The following SPATA1 variants were observed in gnomAD, a reference collection of about 807,000 sequenced individuals.
The protein encoded by SPATA1 is spermatogenesis-associated protein 1.
SPATA1 carries 57 observed loss-of-function variants against 59.6 expected under a neutral mutation model. The ratio of observed to expected loss-of-function variants is 0.96; its 90% CI spans 0.77 to 1.19. The LOEUF (loss-of-function observed/expected upper bound fraction) is 1.19, where lower values mean the gene tolerates loss of function less well. SPATA1 is among the 50% of genes most tolerant of loss of function. The probability of loss-of-function intolerance (pLI) is 0.00; values close to 1 mark genes in which losing one functional copy is unlikely to be tolerated. For synonymous variants in SPATA1, 147 were observed against 163.9 expected, an observed-to-expected ratio of 0.90 and a Z score of 0.79; for missense variants, 448 against 480.7, an observed-to-expected ratio of 0.93 and a Z score of 0.64.
exon 11 of SPATA1, chr1:84,548,960 C>G (rs377268039): frequency 1.5e-5 from 24 of 1,573,204 alleles, no homozygotes; most frequent in African/African-American, 2.8e-5. Context: ...ATCACAGACT[C>G]CAAGGTATTA....
chr1:84,535,589 C>G (rs943085461), intron 8 of SPATA1, among the ~76,000 whole-genome samples: 3 of 151,950 alleles, frequency 2.0e-5, no homozygotes, highest in Admixed American at 2.0e-4. Flanking sequence ...ATTTTTGAAG[C>G]TTCTATAGAA....
intron 12 of SPATA1, chr1:84,552,201 C>T (rs1292018374): frequency 1.3e-5 from 2 of 152,098 alleles, no homozygotes; most frequent in Non-Finnish European, 2.9e-5. Flanking sequence ...AAAAAAAACC[C>T]AGCCTGAGTC....
At chr1:84,565,715 G>T in intron 4 of SPATA1, 146 bp from the exon 14 acceptor site, 1 of 456,476 alleles carries the variant, frequency 2.2e-6, no homozygotes, top group Non-Finnish European at 3.3e-6. Flanking sequence ...ATTTTTACAT[G>T]TTTGAAGCAA....
chr1:84,539,860 G>C (rs1466429890), intron 8 of SPATA1, among the ~76,000 whole-genome samples: 1 of 152,020 alleles, frequency 6.6e-6, no homozygotes, highest in Non-Finnish European at 1.5e-5. Context: ...TTACTGTGTT[G>C]CTATTTATGC....
chr1:84,519,718 T>G (rs959488025), intron 2 of SPATA1, among the ~76,000 whole-genome samples: 2 of 152,128 alleles, frequency 1.3e-5, no homozygotes, highest in Admixed American at 6.6e-5. Context: ...TTTTCTTGAT[T>G]TATAAAAACA....
At chr1:84,559,642 C>T (rs896184543) in intron 4 of SPATA1, among the ~76,000 whole-genome samples, 6 of 151,644 alleles carry the variant, frequency 4.0e-5, no homozygotes, top group African/African-American at 7.3e-5. Flanking sequence ...GACTTAATAA[C>T]GATATTGAAA....
chr1:84,517,203 A>G (rs1250663542), intron 2 of SPATA1, among the ~76,000 whole-genome samples: 6 of 151,974 alleles, frequency 3.9e-5, no homozygotes, highest in South Asian at 4.1e-4. Flanking sequence ...TAGCATACAT[A>G]TTATGTTTGT....
intron 8 of SPATA1, among the ~76,000 whole-genome samples, chr1:84,535,202 T>G (rs995526263): frequency 1.2e-4 from 19 of 152,182 alleles, no homozygotes; most frequent in African/African-American, 4.1e-4. Flanking sequence ...ATGATTTTTT[T>G]TAATCCTTAC....
At chr1:84,554,861 A>G (rs566173961), downstream of SPATA1, 23 of 695,288 alleles carry the variant, frequency 3.3e-5, no homozygotes, top group South Asian at 4.9e-4. Context: ...TTCAAATTCA[A>G]ACAATCAAAA....
chr1:84,536,537 G>A (rs1475295168), intron 8 of SPATA1, among the ~76,000 whole-genome samples: 2 of 152,136 alleles, frequency 1.3e-5, no homozygotes, highest in Non-Finnish European at 2.9e-5. Context: ...TCCGCCCCCC[G>A]GGTGCATGCC....
chr1:84,532,261 C>G (rs1013814366), intron 6 of SPATA1, among the ~76,000 whole-genome samples: 4 of 152,166 alleles, frequency 2.6e-5, no homozygotes, highest in African/African-American at 9.7e-5. Flanking sequence ...TTTGGGAGGC[C>G]AAGGTGGGCA....
At chr1:84,531,741 T>C (rs1467033021) in intron 6 of SPATA1, among the ~76,000 whole-genome samples, 1 of 151,706 alleles carries the variant, frequency 6.6e-6, no homozygotes, top group Non-Finnish European at 1.5e-5. Flanking sequence ...GCCTGGCTAA[T>C]TTATTTTATT....
At chr1:84,537,130 G>C (rs920948265) in intron 8 of SPATA1, among the ~76,000 whole-genome samples, 1 of 151,916 alleles carries the variant, frequency 6.6e-6, no homozygotes, top group South Asian at 2.1e-4. Flanking sequence ...CACCTGCATC[G>C]GCCTCCCAAA....
chr1:84,537,921 C>A (rs1378772489), intron 8 of SPATA1, among the ~76,000 whole-genome samples: 1 of 152,200 alleles, frequency 6.6e-6, no homozygotes, highest in Non-Finnish European at 1.5e-5. Context: ...ATGGCAGAAT[C>A]CTCATACTGC....
chr1:84,564,601 G>C (rs530671910), intron 4 of SPATA1, among the ~76,000 whole-genome samples: 1 of 151,936 alleles, frequency 6.6e-6, no homozygotes, highest in Non-Finnish European at 1.5e-5. Context: ...CTTGAACTTC[G>C]GCCTCATGTG....
At chr1:84,517,175 T>C (rs542160747) in intron 2 of SPATA1, among the ~76,000 whole-genome samples, 1 of 152,294 alleles carries the variant, frequency 6.6e-6, no homozygotes, top group East Asian at 1.9e-4. Context: ...TTCCTTGACA[T>C]AGGCTTCGCT....
At chr1:84,544,885 A>G (rs763402037) in intron 9 of SPATA1, among the ~76,000 whole-genome samples, 2 of 151,666 alleles carry the variant, frequency 1.3e-5, no homozygotes, top group Admixed American at 1.3e-4. Flanking sequence ...TTATTACTAC[A>G]TATGTTTAGT....
At position 84,550,326 on chromosome 1, in the gene SPATA1, G is replaced by A. The variant is rs544168480; in HGVS notation, c.1126-106G>A. ...ACTTTACGGAATAGGTTATTTTCATGATTTACTCTTTTGATCTTTATCATT... is the reference window on the plus strand; with the variant it reads ...ACTTTACGGAATAGGTTATTTTCATAATTTACTCTTTTGATCTTTATCATT... On this transcript the variant is annotated intron_variant, in intron 11 of 12. Coordinates refer to ENST00000490879, the Ensembl canonical transcript of SPATA1. The A allele has an allele frequency of 2.2e-5, 11 of 505,060 alleles. No homozygotes were observed. In the Admixed American group the frequency reaches 4.8e-4, roughly 22 times the overall value. 31.3% of individuals were successfully genotyped at this position (505,060 alleles called of 1,614,324 possible). A position where few individuals can be genotyped will look rare whatever the true frequency, so the allele number is the denominator to read the frequency against.
At chr1:84,545,167 G>C (rs1684045525) in intron 9 of SPATA1, among the ~76,000 whole-genome samples, 2 of 150,510 alleles carry the variant, frequency 1.3e-5, no homozygotes, top group Admixed American at 6.6e-5. Context: ...GAGTGAGCCA[G>C]TATTGCACCA....
Sources: gnomAD v4.1 joint callset for allele counts (sites outside exome capture counted in the v4.1 genomes callset) on GRCh38, gnomAD v4.1.1 for gene constraint, MANE v1.5 for transcripts, NCBI Gene and HGNC (gene_info 2026-07-23, HGNC 2026-07-21) for gene names.